RUNX1: variants seen among roughly 807,000 people sequenced by gnomAD.
RUNX1 encodes runt-related transcription factor 1.
In RUNX1, 19 loss-of-function variants were observed where a neutral mutation model predicts 42.8. The observed-to-expected ratio is 0.44, with a 90% CI of 0.31 to 0.65. The LOEUF (loss-of-function observed/expected upper bound fraction) is 0.65. Ranked by LOEUF, RUNX1 falls within the 30% of genes least tolerant of loss-of-function variation. The pLI, the probability that RUNX1 is intolerant of heterozygous loss-of-function variation, is 0.07. For missense variants in RUNX1, 528 were observed against 672.0 expected, an observed-to-expected ratio of 0.79 and a Z score of 2.37; for synonymous variants, 271 against 289.4, an observed-to-expected ratio of 0.94 and a Z score of 0.64.
At chr21:34,850,807 A>T (rs531865136) in intron 6 of RUNX1, among the ~76,000 whole-genome samples, 4 of 152,350 alleles carry the variant, frequency 2.6e-5, no homozygotes, top group Admixed American at 2.6e-4. Flanking sequence ...TGTAAAAAAA[A>T]AAGTGTACCA....
intron 7 of RUNX1, among the ~76,000 whole-genome samples, chr21:34,831,685 G>A (rs1406262354): frequency 6.6e-6 from 1 of 152,194 alleles, no homozygotes; most frequent in African/African-American, 2.4e-5. Context: ...AAGAAAGCCA[G>A]AAACACATGC....
chr21:34,950,968 T>C (rs1173276010), intron 2 of RUNX1, among the ~76,000 whole-genome samples: 3 of 152,262 alleles, frequency 2.0e-5, no homozygotes, highest in Middle Eastern at 3.2e-3. Flanking sequence ...TAGTGAACGA[T>C]TGCAGTGCTA....
At chr21:35,028,176 G>A (rs1200230855) in intron 2 of RUNX1, among the ~76,000 whole-genome samples, 2 of 152,154 alleles carry the variant, frequency 1.3e-5, no homozygotes, top group African/African-American at 4.8e-5. Context: ...GTTACAGAAA[G>A]GTTCTTAAAG....
chr21:34,879,740 T>C (rs1026714446), intron 5 of RUNX1, among the ~76,000 whole-genome samples: 60 of 152,312 alleles, frequency 3.9e-4, no homozygotes, highest in African/African-American at 1.4e-3. Context: ...ATTTATAAAA[T>C]ATGATTTGGT....
At chr21:34,911,271 T>C (rs548886846) in intron 2 of RUNX1, among the ~76,000 whole-genome samples, 1 of 152,238 alleles carries the variant, frequency 6.6e-6, no homozygotes, top group African/African-American at 2.4e-5. Context: ...TGAAAATCAA[T>C]GTCGACAATA....
At chr21:34,996,932 T>C (rs1048774254) in intron 2 of RUNX1, among the ~76,000 whole-genome samples, 2 of 152,156 alleles carry the variant, frequency 1.3e-5, no homozygotes, top group Non-Finnish European at 2.9e-5. Context: ...ATTTTGCAAA[T>C]CTCAGAAACA....
chr21:34,789,662 G>GT lies in RUNX1; in HGVS notation c.*2472dup, dbSNP rs1205960176. ...GAGACCTATCGCCAAAACAACTACA[G>GT]TTTGATTTTTTTTGAAACAATTAAA... On this transcript the variant is annotated 3_prime_UTR_variant, in exon 9 of 9. Coordinates refer to ENST00000675419, the MANE Select transcript of RUNX1 (RefSeq NM_001754.5). The GT allele has an allele frequency of 8.6e-6, 2 of 233,084 alleles. No individual in the cohort carries two copies. Among genetic ancestry groups the GT allele is most frequent in the Non-Finnish European group, 8.5e-6 (1 of 118,058 alleles). The allele number at this position is 233,084 out of a possible 1,614,324, so 14.4% of individuals were successfully genotyped here.
At chr21:34,998,700 C>T (rs1380140519) in intron 2 of RUNX1, among the ~76,000 whole-genome samples, 2 of 152,084 alleles carry the variant, frequency 1.3e-5, no homozygotes, top group Admixed American at 6.5e-5. Context: ...CGCCACCATG[C>T]CTGGCTAATT....
At chr21:35,029,014 C>G (rs1036145230) in intron 2 of RUNX1, among the ~76,000 whole-genome samples, 19 of 152,032 alleles carry the variant, frequency 1.2e-4, no homozygotes, top group African/African-American at 4.4e-4. Context: ...AGTTAATTTT[C>G]CACTTGAAAT....
rs1313529266 is a variant in RUNX1 at position 34,792,588 on chromosome 21, G to A, written c.990C>T (p.Phe330=). 5 of 1,599,410 alleles carry A rather than the reference G, an allele frequency of 3.1e-6. No homozygotes were observed. In the South Asian group the frequency reaches 4.5e-5, roughly 14 times the overall value. The change falls in exon 9 of 9, where the codon TTC becomes TTT. Residue 330 remains phenylalanine (F), a synonymous_variant. Transcript: ENST00000675419. The surrounding 1 kb of genome is among the most constrained non-coding windows in gnomAD (Gnocchi z 6.9). ...GCGCGGGGAACTGGCGCGGGTCGCT[G>A]AACGCTGTCAGGTCGGGTGCCGCTG... ...RLSTAPDLTA[F]SDPRQFPALP... is the part of the protein sequence containing the mutation.
chr21:35,047,557 A>ACTCT (rs2059407769), intron 2 of RUNX1, among the ~76,000 whole-genome samples: 70 of 75,792 alleles, frequency 9.2e-4, no homozygotes, highest in African/African-American at 4.7e-3. Context: ...ACACACACAC[A>ACTCT]CACACTCTCT....
chr21:34,871,349 T>C (rs990510811), intron 5 of RUNX1, among the ~76,000 whole-genome samples: 3 of 152,170 alleles, frequency 2.0e-5, no homozygotes, highest in African/African-American at 7.2e-5. Flanking sequence ...GTGATCTCTG[T>C]CGAATCTAGG....
At chr21:35,028,475 C>T (rs2059252036) in intron 2 of RUNX1, among the ~76,000 whole-genome samples, 1 of 152,176 alleles carries the variant, frequency 6.6e-6, no homozygotes, top group Admixed American at 6.5e-5. Context: ...TTCATTTCTT[C>T]TCCTCTGTCT....
chr21:34,792,307 G>A lies in RUNX1; in HGVS notation c.1271C>T (p.Ser424Leu), dbSNP rs1476276192. Residue 424 changes from serine (S) to leucine (L), a missense_variant, in exon 9 of 9, where the codon TCG becomes TTG. Physicochemically the swap from Ser to Leu is moderately radical, Grantham distance 145 (BLOSUM62 -2). This residue lies in a region of RUNX1 where 331 missense variants were observed against 382.5 expected (regional missense o/e 0.87). Coordinates refer to ENST00000675419, the MANE Select transcript of RUNX1 (RefSeq NM_001754.5). The surrounding 1 kb of genome is among the most constrained non-coding windows in gnomAD (Gnocchi z 6.9). ...YQFSMVGGER[S>L]PPRILPPCTN... Reference sequence around the variant, plus strand: ...GCAGGGCGGCAGGATGCGCGGCGGCGAGCGCTCGCCGCCCACCATGGAGAA... The same window carrying A: ...GCAGGGCGGCAGGATGCGCGGCGGCAAGCGCTCGCCGCCCACCATGGAGAA... 2.6e-6 allele frequency: 4 copies of A among 1,542,062 alleles called. No individual in the cohort carries two copies. The Admixed American group carries it at 7.9e-5, about 30-fold the overall frequency.
At chr21:35,025,016 A>C (rs780337397) in intron 2 of RUNX1, among the ~76,000 whole-genome samples, 2 of 152,254 alleles carry the variant, frequency 1.3e-5, no homozygotes, top group Non-Finnish European at 2.9e-5. Flanking sequence ...TTGTTTAGCC[A>C]ATAAACTAAC....
At chr21:34,810,078 G>C (rs2056738552) in intron 7 of RUNX1, among the ~76,000 whole-genome samples, 1 of 152,210 alleles carries the variant, frequency 6.6e-6, no homozygotes, top group Non-Finnish European at 1.5e-5. Context: ...CCTCTGGTGG[G>C]AGAGGCCGAG....
intron 2 of RUNX1, among the ~76,000 whole-genome samples, chr21:34,929,516 T>C (rs963026604): frequency 6.6e-6 from 1 of 152,186 alleles, no homozygotes; most frequent in Non-Finnish European, 1.5e-5. Flanking sequence ...TTTTATAGAT[T>C]TTGCCATTGA....
chr21:34,911,707 T>C (rs372310675), intron 2 of RUNX1, among the ~76,000 whole-genome samples: 40 of 152,148 alleles, frequency 2.6e-4, no homozygotes, highest in Non-Finnish European at 4.7e-4. Context: ...TTCCAGGCCC[T>C]GGAGGAAACC....
chr21:34,796,119 A>G (rs2056524448), intron 8 of RUNX1, among the ~76,000 whole-genome samples: 1 of 152,226 alleles, frequency 6.6e-6, no homozygotes, highest in African/African-American at 2.4e-5. Context: ...TGTCATGGAC[A>G]TAAGTACTGG....
Sources: gnomAD v4.1 joint callset for allele counts (sites outside exome capture counted in the v4.1 genomes callset) on GRCh38, gnomAD v4.1.1 for gene constraint, gnomAD v4.1.1 regional missense constraint, Gnocchi (gnomAD v3.1) non-coding constraint, MANE v1.5 for transcripts, NCBI Gene and HGNC (gene_info 2026-07-23, HGNC 2026-07-21) for gene names.